The following XPR1 variants were observed in gnomAD, a reference collection of about 807,000 sequenced individuals.
XPR1 encodes xenotropic and polytropic retrovirus receptor 1.
A neutral mutation model predicts 87.5 loss-of-function variants in XPR1; 28 were observed. The observed-to-expected ratio is 0.32, with a 90% CI of 0.24 to 0.44. XPR1 has a LOEUF of 0.44. Among genes scored for constraint, XPR1 ranks in the 20% least tolerant of loss-of-function variants. XPR1 has a pLI of 1.00. For synonymous variants in XPR1, 300 were observed against 306.1 expected, an observed-to-expected ratio of 0.98 and a Z score of 0.21; for missense variants, 559 against 862.3, an observed-to-expected ratio of 0.65 and a Z score of 4.41.
intron 9 of XPR1, among the ~76,000 whole-genome samples, chr1:180,830,026 A>G (rs990456290): frequency 5.3e-5 from 8 of 152,080 alleles, no homozygotes; most frequent in African/African-American, 1.9e-4. Flanking sequence ...GTCCTAGGCT[A>G]CCAGTTTCAT....
intron 3 of XPR1, among the ~76,000 whole-genome samples, chr1:180,790,970 G>A (rs1649355989): frequency 6.6e-6 from 1 of 152,136 alleles, no homozygotes; most frequent in Non-Finnish European, 1.5e-5. Context: ...AGATAAAGAG[G>A]AACCAGCAAT....
intron 2 of XPR1, among the ~76,000 whole-genome samples, chr1:180,701,818 C>A (rs1657341132): frequency 2.1e-5 from 3 of 140,792 alleles, no homozygotes; most frequent in Admixed American, 2.1e-4. Flanking sequence ...GTATTTGATT[C>A]TTCTCTCTTT....
intron 2 of XPR1, chr1:180,758,759 G>A (rs899243693): frequency 2.0e-5 from 3 of 152,406 alleles, no homozygotes; most frequent in Non-Finnish European, 2.9e-5. Flanking sequence ...AAATTGGAAC[G>A]ATACAGAGAA....
chr1:180,711,395 C>T (rs367956136), intron 2 of XPR1, among the ~76,000 whole-genome samples: 3 of 152,222 alleles, frequency 2.0e-5, no homozygotes, highest in Admixed American at 1.3e-4. Flanking sequence ...GCAGATCACT[C>T]GCGGTTAGGA....
At chr1:180,658,729 T>C (rs79924741) in intron 1 of XPR1, among the ~76,000 whole-genome samples, 22 of 119,590 alleles carry the variant, frequency 1.8e-4, no homozygotes, top group Non-Finnish European at 3.1e-4. Context: ...CATGCCCAGC[T>C]TTTTTTTTTT....
chr1:180,657,575 C>A (rs2101912957), intron 1 of XPR1, among the ~76,000 whole-genome samples: 1 of 152,172 alleles, frequency 6.6e-6, no homozygotes, highest in Non-Finnish European at 1.5e-5. Flanking sequence ...GTTCTTGGCA[C>A]CTTTGTTGAA....
chr1:180,658,634 G>T (rs1029014867), intron 1 of XPR1, among the ~76,000 whole-genome samples: 1 of 151,906 alleles, frequency 6.6e-6, no homozygotes, highest in Non-Finnish European at 1.5e-5. Flanking sequence ...GCGCGATCTT[G>T]GCTCACTGCA....
chr1:180,827,718 C>T (rs1650900665), intron 9 of XPR1, among the ~76,000 whole-genome samples: 1 of 151,928 alleles, frequency 6.6e-6, no homozygotes, highest in South Asian at 2.1e-4. Flanking sequence ...TATTAATTGA[C>T]CTGCTGACTT....
At chr1:180,738,177 A>G (rs1174594049) in intron 2 of XPR1, among the ~76,000 whole-genome samples, 1 of 151,830 alleles carries the variant, frequency 6.6e-6, no homozygotes, top group Non-Finnish European at 1.5e-5. Flanking sequence ...ACGCCCAACT[A>G]ATTTTTGTAT....
At chr1:180,836,794 C>G in intron 11 of XPR1, 78 bp downstream of exon 11, 1 of 1,507,076 alleles carries the variant, frequency 6.6e-7, no homozygotes. Flanking sequence ...ACTCTGGCTA[C>G]TTTTCCATTT....
chr1:180,686,851 A>T (rs1254091507), intron 2 of XPR1, among the ~76,000 whole-genome samples: 1 of 152,142 alleles, frequency 6.6e-6, no homozygotes, highest in East Asian at 1.9e-4. Flanking sequence ...AAAAATATCC[A>T]TCTTTCATCT....
chr1:180,777,943 G>A (rs1230146797), intron 2 of XPR1, among the ~76,000 whole-genome samples: 1 of 152,068 alleles, frequency 6.6e-6, no homozygotes, highest in Non-Finnish European at 1.5e-5. Context: ...CTCTCAAACT[G>A]GTGTTCCACA....
chr1:180,852,702 C>G (rs1651903374), intron 11 of XPR1, among the ~76,000 whole-genome samples: 1 of 152,096 alleles, frequency 6.6e-6, no homozygotes, highest in Non-Finnish European at 1.5e-5. Flanking sequence ...GTGTGCGCCA[C>G]CACACTGGTT....
chr1:180,872,725 C>T (rs1352257135), intron 12 of XPR1, among the ~76,000 whole-genome samples: 1 of 146,862 alleles, frequency 6.8e-6, no homozygotes, highest in Non-Finnish European at 1.5e-5. Context: ...CTGGCACTCC[C>T]TAGTGAGATG....
intron 2 of XPR1, among the ~76,000 whole-genome samples, chr1:180,749,208 A>G (rs2102035126): frequency 6.6e-6 from 1 of 152,388 alleles, no homozygotes; most frequent in South Asian, 2.1e-4. Context: ...CTAAAAAAAT[A>G]GAAGAAAAGG....
intron 2 of XPR1, among the ~76,000 whole-genome samples, chr1:180,741,855 C>T (rs1658933417): frequency 6.6e-6 from 1 of 152,140 alleles, no homozygotes; most frequent in Non-Finnish European, 1.5e-5. Context: ...TTATCTGTTT[C>T]ATTTTGGGTG....
intron 2 of XPR1, among the ~76,000 whole-genome samples, chr1:180,769,128 G>A (rs183646854): frequency 2.6e-5 from 4 of 151,762 alleles, no homozygotes; most frequent in African/African-American, 7.3e-5. Flanking sequence ...ATTTTTGTGG[G>A]CATGTAGTAG....
chr1:180,655,311 A>G (rs1557940502), intron 1 of XPR1, among the ~76,000 whole-genome samples: 1 of 151,662 alleles, frequency 6.6e-6, no homozygotes, highest in Non-Finnish European at 1.5e-5. Flanking sequence ...TATTCTGGAT[A>G]TGAACCCCTT....
At chr1:180,682,880 A>C (rs1362325340) in intron 2 of XPR1, among the ~76,000 whole-genome samples, 1 of 151,914 alleles carries the variant, frequency 6.6e-6, no homozygotes, top group Non-Finnish European at 1.5e-5. Context: ...ACATGTGTAC[A>C]TGTTCTCGTG....
Sources: allele counts gnomAD v4.1 joint callset (sites outside exome capture counted in the v4.1 genomes callset), GRCh38; gene constraint gnomAD v4.1.1; transcripts MANE v1.5; gene names NCBI Gene and HGNC (gene_info 2026-07-23, HGNC 2026-07-21).